The following CLVS2 variants were observed in gnomAD, a reference collection of about 807,000 sequenced individuals.
CLVS2 encodes the protein clavesin-2.
Under a neutral mutation model 29.0 loss-of-function variants are expected in CLVS2, and 19 were observed. The ratio of observed to expected loss-of-function variants is 0.66; its 90% confidence interval spans 0.46 to 0.96. The LOEUF (loss-of-function observed/expected upper bound fraction) is 0.96, where lower values mean the gene tolerates loss of function less well. Ranked by LOEUF, CLVS2 falls within the 40% of genes least tolerant of loss-of-function variation. The probability of loss-of-function intolerance (pLI) is 0.00; values close to 1 mark genes in which losing one functional copy is unlikely to be tolerated. For synonymous variants in CLVS2, 161 were observed against 151.3 expected, an observed-to-expected ratio of 1.06 and a Z score of -0.47; for missense variants, 294 against 404.1, an observed-to-expected ratio of 0.73 and a Z score of 2.34.
At chr6:123,013,567 G>C (rs1395709615) in intron 3 of CLVS2, among the ~76,000 whole-genome samples, 2 of 151,968 alleles carry the variant, frequency 1.3e-5, no homozygotes, top group Non-Finnish European at 1.5e-5. Context: ...ACTCTGTTTT[G>C]AGGACTCCTT....
At chr6:123,049,115 T>G (rs905043051) in intron 4 of CLVS2, among the ~76,000 whole-genome samples, 1 of 152,204 alleles carries the variant, frequency 6.6e-6, no homozygotes, top group African/African-American at 2.4e-5. Flanking sequence ...TTTCACAGTA[T>G]GTACCGCAAT....
At chr6:123,056,117 A>AT (rs1772690287) in intron 5 of CLVS2, 91 bp downstream of exon 5, 2 of 839,742 alleles carry the variant, frequency 2.4e-6, no homozygotes, top group Non-Finnish European at 1.9e-6. Flanking sequence ...TTCTGTATAC[A>AT]TTTTTCTGGT....
intron 3 of CLVS2, among the ~76,000 whole-genome samples, chr6:123,023,635 C>T: frequency 6.6e-6 from 1 of 152,068 alleles, no homozygotes; most frequent in Non-Finnish European, 1.5e-5. Context: ...AAGAAAGCAT[C>T]TAGGAAAATC....
chr6:123,008,764 A>T (rs753822331), intron 2 of CLVS2, among the ~76,000 whole-genome samples: 5 of 151,696 alleles, frequency 3.3e-5, no homozygotes, highest in Non-Finnish European at 7.4e-5. Flanking sequence ...CTGTGTTTAT[A>T]GGTTTCAGGT....
chr6:123,060,646 T>C (rs1772762299), intron 5 of CLVS2, among the ~76,000 whole-genome samples: 3 of 152,220 alleles, frequency 2.0e-5, no homozygotes, highest in Admixed American at 6.5e-5. Flanking sequence ...TATCTGTACA[T>C]AGGCAATAGT....
chr6:123,030,089 A>AG (rs1474482658), intron 3 of CLVS2, among the ~76,000 whole-genome samples: 4 of 152,262 alleles, frequency 2.6e-5, no homozygotes, highest in African/African-American at 9.6e-5. Context: ...CAGAAAAAGA[A>AG]GTACAGTTTA....
intron 2 of CLVS2, among the ~76,000 whole-genome samples, chr6:123,009,987 A>T (rs1299859458): frequency 2.0e-5 from 3 of 151,808 alleles, no homozygotes; most frequent in Non-Finnish European, 4.4e-5. Context: ...CATGTTTCTC[A>T]AATACAATAA....
intron 3 of CLVS2, among the ~76,000 whole-genome samples, chr6:123,030,831 ATAT>A (rs1775073558): frequency 7.7e-6 from 1 of 130,234 alleles, no homozygotes; most frequent in Non-Finnish European, 1.7e-5. Flanking sequence ...ATATATATAT[ATAT>A]AAAATATATA....
At chr6:123,021,030 G>C (rs1418969073) in intron 3 of CLVS2, among the ~76,000 whole-genome samples, 1 of 143,716 alleles carries the variant, frequency 7.0e-6, no homozygotes, top group Non-Finnish European at 1.5e-5. Flanking sequence ...TTTTGTCATT[G>C]TTCACTTATC....
intron 5 of CLVS2, among the ~76,000 whole-genome samples, chr6:123,057,402 A>G (rs1296570934): frequency 7.2e-6 from 1 of 139,182 alleles, no homozygotes; most frequent in African/African-American, 2.7e-5. Context: ...GCTAGAGTGC[A>G]ATGGCGCGAT....
chr6:123,011,148 GA>G lies in CLVS2; in HGVS notation c.555del (p.Gly186AlafsTer28). The G allele has an allele frequency of 6.4e-7, 1 of 1,572,768 alleles. No individual in the cohort carries two copies. Among genetic ancestry groups the G allele is most frequent in the Non-Finnish European group, 8.6e-7 (1 of 1,157,304 alleles). On this transcript the variant is annotated frameshift_variant, in exon 3 of 6. Coordinates refer to ENST00000275162, the MANE Select transcript of CLVS2 (RefSeq NM_001010852.4). LOFTEE classifies it high-confidence loss of function. The part of the protein sequence containing the change: ...LTPSMLRLAI[E>X]GLQDSFPARF... ...ACCAAGTATGCTGCGATTAGCTATT[GA>G]AGGCCTGCAGGTAGGATATGGAAAT... is the stretch of plus-strand genomic sequence containing the variant.
intron 3 of CLVS2, 55 bp downstream of exon 3, chr6:123,011,214 C>T: frequency 7.7e-7 from 1 of 1,301,872 alleles, no homozygotes; most frequent in Non-Finnish European, 1.0e-6. Context: ...CTTCTCTTGT[C>T]TAATGTGTTA....
intron 3 of CLVS2, among the ~76,000 whole-genome samples, chr6:123,018,218 A>G (rs1164632686): frequency 1.3e-5 from 2 of 152,102 alleles, no homozygotes; most frequent in Non-Finnish European, 2.9e-5. Context: ...ACTAGAGAAC[A>G]AAAAAGATGA....
Position 122,997,775 on chromosome 6 carries a change from A to G in CLVS2, c.-3A>G, listed in dbSNP as rs563779350. The G allele has an allele frequency of 4.0e-5, 65 of 1,613,160 alleles. No individual in the cohort carries two copies. In the South Asian group the frequency reaches 6.4e-4, roughly 16 times the overall value. On this transcript the variant is annotated 5_prime_UTR_variant, in exon 2 of 6. Coordinates refer to ENST00000275162, the MANE Select transcript of CLVS2 (RefSeq NM_001010852.4). The stretch of plus-strand genomic sequence containing the variant: ...GAGGGAAAGCTCAGAGATAGGCAGA[A>G]CAATGACTCATTTGCAAGCCGGTCT...
chr6:123,020,468 A>T (rs1387225299), intron 3 of CLVS2, among the ~76,000 whole-genome samples: 1 of 152,058 alleles, frequency 6.6e-6, no homozygotes, highest in African/African-American at 2.4e-5. Context: ...GTTGTCATAC[A>T]ATGAGAATAA....
At position 123,063,734 on chromosome 6, in the gene CLVS2, C is replaced by A. The variant is rs9490642; in HGVS notation, c.957C>A (p.Asn319Lys). 1 of 1,610,128 alleles carries A rather than the reference C, an allele frequency of 6.2e-7. No individual in the cohort carries two copies. The highest frequency in any genetic ancestry group is 1.3e-5 in the African/African-American group (1 of 74,920). The change falls in exon 6 of 6, where the codon AAC (asparagine) becomes AAA (lysine). Residue 319 changes from asparagine to lysine, a missense_variant. By Grantham distance (94) the Asn-to-Lys change is moderately conservative (BLOSUM62 0). Around this residue, in one of 2 missense-constraint regions of CLVS2, gnomAD observed 82 missense variants for 67.8 expected, o/e 1.21. Coordinates refer to ENST00000275162, the MANE Select transcript of CLVS2 (RefSeq NM_001010852.4). ...LKRMDKNEEE[N>K]MQPLLSLD ...GCATGGATAAAAATGAGGAAGAAAA[C>A]ATGCAACCATTGCTTTCTCTGGACT...
intron 3 of CLVS2, 24 bp from the exon 4 acceptor site, chr6:123,048,598 G>GT (rs746448755): frequency 1.5e-5 from 23 of 1,510,858 alleles, no homozygotes; most frequent in Admixed American, 1.0e-4. Context: ...TATTTTGATT[G>GT]TTTTTTTCTC....
chr6:123,036,792 A>C (rs1775160289), intron 3 of CLVS2, among the ~76,000 whole-genome samples: 1 of 152,116 alleles, frequency 6.6e-6, no homozygotes, highest in Non-Finnish European at 1.5e-5. Context: ...CTCTCAAGCT[A>C]TCTTTATAAT....
At chr6:123,008,512 G>A (rs988602028) in intron 2 of CLVS2, among the ~76,000 whole-genome samples, 1 of 152,024 alleles carries the variant, frequency 6.6e-6, no homozygotes, top group African/African-American at 2.4e-5. Flanking sequence ...TCCTTCCAAA[G>A]CTGATTTCAA....
Sources: allele counts gnomAD v4.1 joint callset (sites outside exome capture counted in the v4.1 genomes callset), GRCh38; gene constraint gnomAD v4.1.1; regional missense constraint gnomAD v4.1.1; transcripts MANE v1.5; gene names NCBI Gene and HGNC (gene_info 2026-07-23, HGNC 2026-07-21).